The following SEL1L variants were observed in gnomAD, a reference collection of about 807,000 sequenced individuals.
SEL1L encodes SEL1L adaptor subunit of SYVN1 ubiquitin ligase.
SEL1L carries 52 observed loss-of-function variants against 109.8 expected under a neutral mutation model. That is an observed-to-expected ratio of 0.47 (90% CI 0.38 to 0.60). The LOEUF is 0.60. SEL1L is among the 20% of genes least tolerant of loss of function. SEL1L has a pLI of 0.00. For synonymous variants in SEL1L, 373 were observed against 339.6 expected, an observed-to-expected ratio of 1.10 and a Z score of -1.08; for missense variants, 749 against 962.2, an observed-to-expected ratio of 0.78 and a Z score of 2.93.
At chr14:81,478,214 G>A (rs2139978330) in intron 20 of SEL1L, among the ~76,000 whole-genome samples, 1 of 152,188 alleles carries the variant, frequency 6.6e-6, no homozygotes, top group East Asian at 1.9e-4. Context: ...AGGTACAGGT[G>A]CTAAATTTTT....
intron 4 of SEL1L, 147 bp downstream of exon 4, chr14:81,505,927 T>C: frequency 1.5e-6 from 1 of 669,618 alleles, no homozygotes; most frequent in Non-Finnish European, 2.4e-6. Context: ...TTTCCCACTC[T>C]TAAGTCCACT....
Position 81,484,341 on chromosome 14 carries a change from C to T in SEL1L, c.1930G>A (p.Asp644Asn), listed in dbSNP as rs201646717. 1.0e-4 allele frequency: 161 copies of T among 1,613,984 alleles called. No homozygotes were observed. The highest frequency in any genetic ancestry group is 1.6e-4 in the Middle Eastern group (1 of 6,084). The change falls in exon 19 of 21, where the codon GAT (aspartate) becomes AAT (asparagine). Residue 644 changes from aspartate (D) to asparagine (N), a missense_variant. By Grantham distance (23) the Asp-to-Asn change is conservative. Coordinates refer to ENST00000336735, the MANE Select transcript of SEL1L (RefSeq NM_005065.6). ...GDYHFYGFGT[D>N]VDYETAFIHY... ...ATAAATGCAGTTTCATAATCTACAT[C>T]GGTGCCAAACCCATAGAAATGGTAG... is the stretch of plus-strand genomic sequence containing the variant.
rs186746200 is a variant in SEL1L, at chr14:81,498,652, G to A, written c.892-158C>T. Among the ~76,000 whole-genome samples the A allele has an allele frequency of 1.2e-4, 19 of 152,296 alleles. No individual in the cohort carries two copies. In the East Asian group the frequency reaches 3.7e-3, roughly 29 times the overall value. ...CTAAGTGTTAGGTTTTGAGGTAATG[G>A]ATTCAGCAACTTCAACAAGAAGGCC... On this transcript the variant is annotated intron_variant, in intron 8 of 20. Coordinates refer to ENST00000336735, the MANE Select transcript of SEL1L (RefSeq NM_005065.6).
At chr14:81,502,692 G>A in intron 6 of SEL1L, 29 bp downstream of exon 6, 1 of 1,607,172 alleles carries the variant, frequency 6.2e-7, no homozygotes. Flanking sequence ...GTTACATGCA[G>A]AGAGATTCTT....
chr14:81,492,538 T>A lies in SEL1L; in HGVS notation c.1196A>T (p.Asp399Val), dbSNP rs749354895. 6.2e-7 allele frequency: 1 copy of A among 1,607,742 alleles called. No individual in the cohort carries two copies. The highest frequency in any genetic ancestry group is 1.1e-5 in the South Asian group (1 of 90,312). ...GVEQNHQRAF[D>V]YFNLAANAGN... ...AGCATTTGCTGCTAAATTGAAGTAG[T>A]CAAATGCTCTCTATGAGAAAAGAAT... The change falls in exon 12 of 21, where the codon GAC becomes GTC. Residue 399 changes from aspartate (D) to valine (V), a missense_variant. Physicochemically the swap from Asp to Val is radical, Grantham distance 152. Around this residue, in one of 2 missense-constraint regions of SEL1L, gnomAD observed 383 missense variants for 562.5 expected, o/e 0.68. Transcript: ENST00000336735.
Position 81,490,371 on chromosome 14 carries a change from C to T in SEL1L, c.1332+17G>A. 3.1e-6 allele frequency: 5 copies of T among 1,593,666 alleles called. No homozygotes were observed. The highest frequency in any genetic ancestry group is 4.3e-6 in the Non-Finnish European group (5 of 1,161,862). The stretch of plus-strand genomic sequence containing the variant: ...GTAATATGGTACACATTTCAGTACA[C>T]TGAGACAAAGCCTTACCATGTCAGC... On this transcript the variant is annotated intron_variant, in intron 13 of 20. Transcript: ENST00000336735.
In SEL1L at chr14:81,498,399, G is replaced by A. The variant is rs764193523; in HGVS notation, c.973+14C>T. On this transcript the variant is annotated intron_variant, in intron 9 of 20. Transcript: ENST00000336735. ...TTTTTTTTTCCTAAAAGGTAAAAGGGGAAACATAGATACCATGATTGGCAA... is the reference window on the plus strand; with the variant it reads ...TTTTTTTTTCCTAAAAGGTAAAAGGAGAAACATAGATACCATGATTGGCAA... 9.4e-6 allele frequency: 15 copies of A among 1,598,090 alleles called. No homozygotes were observed. Among genetic ancestry groups the A allele is most frequent in the Non-Finnish European group, 2.6e-6 (3 of 1,169,916 alleles).
At chr14:81,493,924 G>C (rs1883640949) in intron 11 of SEL1L, among the ~76,000 whole-genome samples, 1 of 152,100 alleles carries the variant, frequency 6.6e-6, no homozygotes, top group Non-Finnish European at 1.5e-5. Context: ...TCCTTTGCTG[G>C]TTATTTTTCT....
At chr14:81,516,170 G>A (rs547765876) in intron 3 of SEL1L, among the ~76,000 whole-genome samples, 1 of 152,342 alleles carries the variant, frequency 6.6e-6, no homozygotes, top group African/African-American at 2.4e-5. Context: ...CAACAGGACT[G>A]AGGGTGCCCA....
intron 3 of SEL1L, among the ~76,000 whole-genome samples, chr14:81,516,413 C>T (rs139031281): frequency 6.6e-6 from 1 of 152,186 alleles, no homozygotes; most frequent in East Asian, 1.9e-4. Context: ...TTTTCACATG[C>T]CTTTGTTATG....
At chr14:81,498,805 CA>C (rs1883887520) in intron 8 of SEL1L, 1 of 200,442 alleles carries the variant, frequency 5.0e-6, no homozygotes, top group Admixed American at 5.8e-5. Context: ...TGCTTAGAAC[CA>C]GTTTTAATCT....
Position 81,502,713 on chromosome 14 carries a change from G to T in SEL1L, c.777+8C>A, listed in dbSNP as rs752348511. 6.2e-7 allele frequency: 1 copy of T among 1,612,698 alleles called. No homozygotes were observed. On this transcript the variant is annotated splice_region_variant and intron_variant, in intron 6 of 20. Coordinates refer to ENST00000336735, the MANE Select transcript of SEL1L (RefSeq NM_005065.6). ...TGCAGAGAGATTCTTCACTGAGAAT[G>T]TACTTACAGTCTGTCCCTTGGGAGA...
At chr14:81,489,023 T>G in intron 14 of SEL1L, 1 of 546,140 alleles carries the variant, frequency 1.8e-6, no homozygotes, top group Non-Finnish European at 3.2e-6. Context: ...AAGAAACAAC[T>G]CCATACCTCT....
chr14:81,492,999 T>C (rs1883607089), intron 11 of SEL1L, among the ~76,000 whole-genome samples: 3 of 152,240 alleles, frequency 2.0e-5, no homozygotes. Flanking sequence ...CCTCTTGTAC[T>C]GTTTAGAGAA....
chr14:81,532,047 T>C (rs767484798), intron 1 of SEL1L, among the ~76,000 whole-genome samples: 27 of 152,356 alleles, frequency 1.8e-4, no homozygotes, highest in South Asian at 1.4e-3. Context: ...AAGGATTTAA[T>C]ATATCAGTGT....
At chr14:81,491,911 CA>C (rs530229860) in intron 12 of SEL1L, among the ~76,000 whole-genome samples, 227 of 151,802 alleles carry the variant, frequency 1.5e-3, no homozygotes, top group Admixed American at 5.3e-3. Flanking sequence ...AGAGTCTTAG[CA>C]AAAAACCGCA....
At chr14:81,533,581 G>A (rs900939587) in intron 1 of SEL1L, 94 bp downstream of exon 1, 10 of 1,192,862 alleles carry the variant, frequency 8.4e-6, no homozygotes, top group East Asian at 2.5e-5. Flanking sequence ...CAGGGAGAAC[G>A]GGGTCCCGAG....
At chr14:81,514,832 C>T (rs556428819) in intron 3 of SEL1L, among the ~76,000 whole-genome samples, 61 of 152,244 alleles carry the variant, frequency 4.0e-4, no homozygotes, top group African/African-American at 1.4e-3. Context: ...TTTTTTTCTG[C>T]ACTATGGCCT....
At chr14:81,486,568 G>T in intron 16 of SEL1L, 114 bp from the exon 17 acceptor site, 1 of 970,836 alleles carries the variant, frequency 1.0e-6, no homozygotes, top group Non-Finnish European at 1.5e-6. Flanking sequence ...TTCAATTTCT[G>T]GCAGCTTTCT....
Sources: gnomAD v4.1 joint callset for allele counts (sites outside exome capture counted in the v4.1 genomes callset) on GRCh38, gnomAD v4.1.1 for gene constraint, gnomAD v4.1.1 regional missense constraint, MANE v1.5 for transcripts, NCBI Gene and HGNC (gene_info 2026-07-23, HGNC 2026-07-21) for gene names.